Variants in EPM2A observed in about 807,000 individuals in gnomAD.
The protein encoded by EPM2A is laforin.
In EPM2A, 21 loss-of-function variants were observed where a neutral mutation model predicts 26.5. The ratio of observed to expected loss-of-function variants is 0.79; its 90% CI spans 0.56 to 1.14. EPM2A has a LOEUF of 1.14. Ranked by LOEUF, EPM2A falls within the 50% of genes most tolerant of loss-of-function variation. The pLI, the probability that EPM2A is intolerant of heterozygous loss-of-function variation, is 0.00. For synonymous variants in EPM2A, 217 were observed against 177.6 expected (o/e 1.22, Z -1.76); for missense variants, 458 against 440.8 (o/e 1.04, Z -0.35).
intron 2 of EPM2A, among the ~76,000 whole-genome samples, chr6:145,664,876 A>G (rs1216279309): frequency 6.6e-6 from 1 of 151,406 alleles, no homozygotes; most frequent in Non-Finnish European, 1.5e-5. Flanking sequence ...AAGCCACTCA[A>G]CTACATGGAA....
chr6:145,482,512 CTATT>C (rs1184995929), intron 4 of EPM2A, among the ~76,000 whole-genome samples: 1 of 151,944 alleles, frequency 6.6e-6, no homozygotes. Flanking sequence ...TAAAGAGCCT[CTATT>C]TATTTAAATA....
At chr6:145,631,701 G>A (rs892193353) in intron 3 of EPM2A, 2 of 152,256 alleles carry the variant, frequency 1.3e-5, no homozygotes, top group Non-Finnish European at 2.9e-5. Context: ...AGCCAAGGTT[G>A]TGAGGAGAGG....
chr6:145,671,432 C>A, intron 2 of EPM2A: 1 of 983,220 alleles, frequency 1.0e-6, no homozygotes, highest in Non-Finnish European at 1.2e-6. Flanking sequence ...GAACTATAGT[C>A]ATTGTGAGTC....
At chr6:145,456,844 C>T (rs1302179494) in intron 4 of EPM2A, among the ~76,000 whole-genome samples, 1 of 152,110 alleles carries the variant, frequency 6.6e-6, no homozygotes, top group Non-Finnish European at 1.5e-5. Context: ...TTTGTTCATA[C>T]ATCTCTCCCA....
At chr6:145,611,961 C>A (rs1035194097) in intron 2 of EPM2A, among the ~76,000 whole-genome samples, 9 of 152,080 alleles carry the variant, frequency 5.9e-5, no homozygotes, top group Middle Eastern at 3.2e-3. Flanking sequence ...AAAGAATCTA[C>A]CAATCAAGTC....
chr6:145,416,698 G>A (rs878970154), intron 4 of EPM2A, among the ~76,000 whole-genome samples: 2 of 152,160 alleles, frequency 1.3e-5, no homozygotes, highest in Non-Finnish European at 2.9e-5. Context: ...TATTTCCTGA[G>A]AGAAAACTGT....
intron 1 of EPM2A, among the ~76,000 whole-genome samples, chr6:145,690,521 G>GAAAAAAAAAAAAAAAAA (rs145052340): frequency 1.1e-5 from 1 of 87,026 alleles, no homozygotes. Context: ...CGTCTCAAAA[G>GAAAAAAAAAAAAAAAAA]AAAAAAAAAA....
chr6:145,599,780 A>C (rs1781392927), intron 2 of EPM2A, among the ~76,000 whole-genome samples: 1 of 152,062 alleles, frequency 6.6e-6, no homozygotes, highest in Non-Finnish European at 1.5e-5. Flanking sequence ...TTGAGTGGGT[A>C]AATTTCTTTT....
intron 2 of EPM2A, among the ~76,000 whole-genome samples, chr6:145,537,322 C>T (rs1370149366): frequency 6.6e-6 from 1 of 152,096 alleles, no homozygotes; most frequent in Admixed American, 6.5e-5. Flanking sequence ...CTCTCGAAAC[C>T]AATAGAACAT....
At chr6:145,691,248 A>G (rs1402161683) in intron 1 of EPM2A, among the ~76,000 whole-genome samples, 1 of 152,152 alleles carries the variant, frequency 6.6e-6, no homozygotes, top group Non-Finnish European at 1.5e-5. Flanking sequence ...GAAAATCATA[A>G]AAGTAGCCAG....
chr6:145,475,680 C>G (rs1420609541), intron 4 of EPM2A, among the ~76,000 whole-genome samples: 1 of 151,748 alleles, frequency 6.6e-6, no homozygotes, highest in Non-Finnish European at 1.5e-5. Context: ...AGTTTTCTTT[C>G]TGTTTGTTCA....
intron 4 of EPM2A, among the ~76,000 whole-genome samples, chr6:145,436,542 G>A (rs1467957891): frequency 6.6e-6 from 1 of 152,062 alleles, no homozygotes; most frequent in Non-Finnish European, 1.5e-5. Context: ...ATCCTAGGGG[G>A]TGTCGAGTGC....
chr6:145,657,940 C>T (rs1359561315), intron 2 of EPM2A, among the ~76,000 whole-genome samples: 1 of 152,176 alleles, frequency 6.6e-6, no homozygotes, highest in African/African-American at 2.4e-5. Flanking sequence ...GTACCAACCT[C>T]CCGTCAGCTT....
At chr6:145,457,060 A>G (rs1324196785) in intron 4 of EPM2A, among the ~76,000 whole-genome samples, 3 of 152,234 alleles carry the variant, frequency 2.0e-5, no homozygotes, top group African/African-American at 4.8e-5. Flanking sequence ...TTATGAGTTT[A>G]ACATATATTA....
In EPM2A at chr6:145,627,027, A is replaced by AT. The variant is rs1775859053; in HGVS notation, c.*388dup. ...CTAGTGATGAAATCCACATAACTCC[A>AT]TATCTTTTCCTCTACATGGCCAAGA... On this transcript the variant is annotated 3_prime_UTR_variant, in exon 4 of 4. Coordinates refer to ENST00000367519, the MANE Select transcript of EPM2A (RefSeq NM_005670.4). 1 of 1,142,488 alleles carries AT rather than the reference A, an allele frequency of 8.8e-7. No individual in the cohort carries two copies. The highest frequency in any genetic ancestry group is 2.1e-5 in the South Asian group (1 of 47,080). 70.8% of individuals were successfully genotyped at this position (1,142,488 alleles called of 1,614,324 possible).
At chr6:145,501,905 T>C in intron 3 of EPM2A, 1 of 470,466 alleles carries the variant, frequency 2.1e-6, no homozygotes, top group Non-Finnish European at 4.4e-6. Flanking sequence ...GTTATTGTTC[T>C]CATTTTACAG....
At chr6:145,537,876 G>A (rs1223559423) in intron 2 of EPM2A, among the ~76,000 whole-genome samples, 1 of 151,884 alleles carries the variant, frequency 6.6e-6, no homozygotes, top group Non-Finnish European at 1.5e-5. Flanking sequence ...TCCTGTGTTA[G>A]TTTGCTGAGA....
intron 4 of EPM2A, among the ~76,000 whole-genome samples, chr6:145,472,479 G>T (rs935125981): frequency 6.6e-6 from 1 of 152,032 alleles, no homozygotes; most frequent in African/African-American, 2.4e-5. Context: ...CTAATTCCAG[G>T]ACTTGACCTG....
intron 2 of EPM2A, among the ~76,000 whole-genome samples, chr6:145,584,505 C>A (rs1394389707): frequency 1.3e-5 from 2 of 152,126 alleles, no homozygotes; most frequent in African/African-American, 4.8e-5. Flanking sequence ...CATCGCTGGC[C>A]ATGCTCCACT....
Sources: gnomAD v4.1 joint callset for allele counts (sites outside exome capture counted in the v4.1 genomes callset) on GRCh38, gnomAD v4.1.1 for gene constraint, MANE v1.5 for transcripts, NCBI Gene and HGNC (gene_info 2026-07-23, HGNC 2026-07-21) for gene names.